Variants in RBM38 observed in about 807,000 individuals in gnomAD.
RBM38 encodes the protein RNA binding motif protein 38, also known as RNA-binding protein 38.
RBM38 carries 11 observed loss-of-function variants against 23.5 expected under a neutral mutation model. The observed-to-expected ratio is 0.47, with a 90% CI of 0.29 to 0.77. The LOEUF (loss-of-function observed/expected upper bound fraction) is 0.77, where lower values mean the gene tolerates loss of function less well. Among genes scored for constraint, RBM38 ranks in the 30% least tolerant of loss-of-function variants. The pLI, the probability that RBM38 is intolerant of heterozygous loss-of-function variation, is 0.08. For synonymous variants in RBM38, 165 were observed against 166.1 expected (o/e 0.99, Z 0.05); for missense variants, 330 against 351.9 (o/e 0.94, Z 0.50).
chr20:57,407,502 A>G lies in RBM38; in HGVS notation c.417-41A>G. ...CACTGTTCTCCCAGCTGTATTCCCC[A>G]ACTCCGTTCTGGCCCTAACCTGCTC... On this transcript the variant is annotated intron_variant, in intron 3 of 3. Transcript: ENST00000356208. The surrounding 1 kb of genome is among the most constrained non-coding windows in gnomAD (Gnocchi z 4.0). 6.3e-7 allele frequency: 1 copy of G among 1,595,568 alleles called. No homozygotes were observed.
chr20:57,406,855 G>T (rs929186849), intron 3 of RBM38, among the ~76,000 whole-genome samples: 2 of 152,128 alleles, frequency 1.3e-5, no homozygotes, highest in Non-Finnish European at 2.9e-5. Context: ...TTAGCCGAGC[G>T]TGGTGGCGGG....
intron 3 of RBM38, among the ~76,000 whole-genome samples, chr20:57,393,846 C>T (rs1417860544): frequency 1.3e-5 from 2 of 152,164 alleles, no homozygotes; most frequent in Non-Finnish European, 2.9e-5. Context: ...GGGTGGAGGC[C>T]ACCTGCCTGA....
intron 3 of RBM38, among the ~76,000 whole-genome samples, chr20:57,399,467 C>T (rs140122801): frequency 6.6e-6 from 1 of 152,244 alleles, no homozygotes; most frequent in Admixed American, 6.5e-5. Flanking sequence ...TTTAAAGAAC[C>T]TGGGAAAGAA....
intron 3 of RBM38, chr20:57,399,980 T>G (rs964160163): frequency 2.2e-6 from 1 of 456,228 alleles, no homozygotes; most frequent in African/African-American, 2.0e-5. Flanking sequence ...TCAGTTCTTT[T>G]CGCTGCGAGT....
In RBM38 at chr20:57,407,450, G is replaced by T; in HGVS notation, c.417-93G>T. 7.2e-7 allele frequency: 1 copy of T among 1,391,040 alleles called. No individual in the cohort carries two copies. The highest frequency in any genetic ancestry group is 9.8e-7 in the Non-Finnish European group (1 of 1,016,958). The allele number at this position is 1,391,040 out of a possible 1,614,324, so 86.2% of individuals were successfully genotyped here. ...CCGATGAGGAAAGTCGGGGCTCGGGGTGGGGGGCGGCACGCATCGTGTACC... is the reference window on the plus strand; with the variant it reads ...CCGATGAGGAAAGTCGGGGCTCGGGTTGGGGGGCGGCACGCATCGTGTACC... On this transcript the variant is annotated intron_variant, in intron 3 of 3. Transcript: ENST00000356208. The surrounding 1 kb of genome is among the most constrained non-coding windows in gnomAD (Gnocchi z 4.0).
At chr20:57,402,568 G>A (rs1289385371) in intron 3 of RBM38, among the ~76,000 whole-genome samples, 5 of 152,220 alleles carry the variant, frequency 3.3e-5, no homozygotes. Context: ...GGTGGGTGGG[G>A]CGGCGTGCAG....
intron 2 of RBM38, 165 bp from the exon 3 acceptor site, chr20:57,393,114 G>C: frequency 4.2e-6 from 3 of 722,212 alleles, no homozygotes; most frequent in Non-Finnish European, 7.2e-6. Context: ...ACACTTCAGC[G>C]GTGTGCCTTG....
chr20:57,394,729 C>G (rs1029931915), intron 3 of RBM38, among the ~76,000 whole-genome samples: 14 of 152,250 alleles, frequency 9.2e-5, no homozygotes, highest in African/African-American at 2.2e-4. Flanking sequence ...CTATGGGGTT[C>G]AGGCCACATG....
chr20:57,402,321 C>T (rs577622420), intron 3 of RBM38, among the ~76,000 whole-genome samples: 3 of 152,324 alleles, frequency 2.0e-5, no homozygotes, highest in Admixed American at 2.0e-4. Context: ...AGGGCCACGC[C>T]ACTGCGCCCG....
intron 3 of RBM38, among the ~76,000 whole-genome samples, chr20:57,400,433 A>G (rs748688420): frequency 6.6e-6 from 1 of 151,848 alleles, no homozygotes; most frequent in Non-Finnish European, 1.5e-5. Flanking sequence ...TGCATGCCCA[A>G]CCCTCCCGGC....
At chr20:57,404,912 C>G (rs764464985) in intron 3 of RBM38, among the ~76,000 whole-genome samples, 3 of 152,216 alleles carry the variant, frequency 2.0e-5, no homozygotes, top group Non-Finnish European at 2.9e-5. Flanking sequence ...CCAGGGTGGA[C>G]CTGGGTGTGC....
At chr20:57,406,722 G>A (rs970187187) in intron 3 of RBM38, among the ~76,000 whole-genome samples, 1 of 152,080 alleles carries the variant, frequency 6.6e-6, no homozygotes, top group Non-Finnish European at 1.5e-5. Flanking sequence ...GGCTGGGCAC[G>A]GTGGCTCACG....
chr20:57,391,689 C>T lies in RBM38; in HGVS notation c.108C>T (p.Ile36=), dbSNP rs748850628. 9 of 1,516,502 alleles carry T rather than the reference C, an allele frequency of 5.9e-6. No individual in the cohort carries two copies. Among genetic ancestry groups the T allele is most frequent in the African/African-American group, 2.9e-5 (2 of 70,000 alleles). The allele number at this position is 1,516,502 out of a possible 1,614,324, so 93.9% of individuals were successfully genotyped here. Residue 36 remains isoleucine (I), a synonymous_variant, in exon 1 of 4, where the codon ATC becomes ATT. Coordinates refer to ENST00000356208, the MANE Select transcript of RBM38 (RefSeq NM_017495.6). ...GSQKDTTFTK[I]FVGGLPYHTT... is the part of the protein sequence containing the mutation. ...AGAAGGACACCACGTTCACCAAGAT[C>T]TTCGTGGGCGGCCTGCCGTACCACA...
At chr20:57,399,901 A>G (rs911421975) in intron 3 of RBM38, 2 of 456,160 alleles carry the variant, frequency 4.4e-6, no homozygotes, top group African/African-American at 4.0e-5. Flanking sequence ...AAATGGGCTC[A>G]TTTGCCTTTT....
chr20:57,403,944 T>A (rs1216504542), intron 3 of RBM38, among the ~76,000 whole-genome samples: 1 of 152,204 alleles, frequency 6.6e-6, no homozygotes, highest in Non-Finnish European at 1.5e-5. Flanking sequence ...AAATGCTTCG[T>A]AAGTTATCCC....
intron 2 of RBM38, 184 bp from the exon 3 acceptor site, chr20:57,393,091 GTCAC>G: frequency 1.5e-6 from 1 of 661,084 alleles, no homozygotes; most frequent in East Asian, 2.7e-5. Context: ...TGACACCTGC[GTCAC>G]TCACTGCCAC....
chr20:57,400,741 G>A (rs555504266), intron 3 of RBM38, among the ~76,000 whole-genome samples: 37 of 152,028 alleles, frequency 2.4e-4, no homozygotes, highest in Non-Finnish European at 4.7e-4. Flanking sequence ...TCTGATTGGT[G>A]CAAGACCCTT....
chr20:57,393,549 T>C (rs1454827056), intron 3 of RBM38, among the ~76,000 whole-genome samples: 1 of 152,178 alleles, frequency 6.6e-6, no homozygotes, highest in Non-Finnish European at 1.5e-5. Flanking sequence ...CTGCCTGCCT[T>C]GGTACACACC....
At chr20:57,393,366 T>C in intron 3 of RBM38, 33 bp downstream of exon 3, 1 of 1,607,920 alleles carries the variant, frequency 6.2e-7, no homozygotes, top group East Asian at 2.2e-5. Context: ...GGGTGGGTAG[T>C]CCGTGGAGAT....
Sources: gnomAD v4.1 joint callset for allele counts (sites outside exome capture counted in the v4.1 genomes callset) on GRCh38, gnomAD v4.1.1 for gene constraint, Gnocchi (gnomAD v3.1) non-coding constraint, MANE v1.5 for transcripts, NCBI Gene and HGNC (gene_info 2026-07-23, HGNC 2026-07-21) for gene names.